The following RAB27A variants were observed in gnomAD, a reference collection of about 807,000 sequenced individuals.
The protein encoded by RAB27A is ras-related protein Rab-27A.
Under a neutral mutation model 20.8 loss-of-function variants are expected in RAB27A, and 17 were observed. The ratio of observed to expected loss-of-function variants is 0.82; its 90% CI spans 0.56 to 1.23. RAB27A has a LOEUF of 1.23. RAB27A is among the 50% of genes most tolerant of loss of function. The pLI is 0.00. For synonymous variants in RAB27A, 85 were observed against 92.8 expected, an observed-to-expected ratio of 0.92 and a Z score of 0.48; for missense variants, 277 against 266.7, an observed-to-expected ratio of 1.04 and a Z score of -0.27.
chr15:55,314,375 GCTCTCTGTCA>G (rs2055034641), intron 1 of RAB27A, among the ~76,000 whole-genome samples: 1 of 152,180 alleles, frequency 6.6e-6, no homozygotes, highest in African/African-American at 2.4e-5. Context: ...GCATAAGGAT[GCTCTCTGTCA>G]CTATTCATAT....
intron 1 of RAB27A, chr15:55,317,073 A>C (rs1217774100): frequency 6.6e-6 from 1 of 152,252 alleles, no homozygotes; most frequent in Admixed American, 6.5e-5. Flanking sequence ...ATAAACCTCA[A>C]GTAGAAAATA....
intron 2 of RAB27A, among the ~76,000 whole-genome samples, chr15:55,239,377 G>A (rs1280074136): frequency 3.3e-5 from 5 of 152,124 alleles, no homozygotes; most frequent in Non-Finnish European, 7.4e-5. Flanking sequence ...CAACAGTTTG[G>A]TGTTTAAAAC....
chr15:55,265,573 G>A (rs1378517519), intron 2 of RAB27A, among the ~76,000 whole-genome samples: 2 of 151,898 alleles, frequency 1.3e-5, no homozygotes, highest in African/African-American at 4.8e-5. Flanking sequence ...AATTCTTGAT[G>A]CCAATCCAAA....
At chr15:55,250,255 C>T (rs532977359) in intron 2 of RAB27A, among the ~76,000 whole-genome samples, 6 of 151,944 alleles carry the variant, frequency 3.9e-5, no homozygotes, top group African/African-American at 1.4e-4. Context: ...TGAGCCACTG[C>T]GCCTGGACTC....
At chr15:55,205,757 A>G (rs1894619646) in intron 6 of RAB27A, 52 bp from the exon 7 acceptor site, 1 of 1,456,840 alleles carries the variant, frequency 6.9e-7, no homozygotes, top group Non-Finnish European at 9.6e-7. Flanking sequence ...AAGGAGAGTG[A>G]CCTTTGCTCT....
chr15:55,234,071 G>A (rs1289652899), intron 3 of RAB27A, among the ~76,000 whole-genome samples: 2 of 152,106 alleles, frequency 1.3e-5, no homozygotes, highest in African/African-American at 2.4e-5. Context: ...AAGGACCTTT[G>A]TCATTAATTT....
intron 5 of RAB27A, among the ~76,000 whole-genome samples, chr15:55,224,993 G>A (rs1486022656): frequency 4.6e-5 from 7 of 152,172 alleles, no homozygotes; most frequent in African/African-American, 2.4e-5. Flanking sequence ...ACAGTTCTTT[G>A]CCCTCATGGG....
At chr15:55,276,647 C>G (rs941379405) in intron 1 of RAB27A, among the ~76,000 whole-genome samples, 1 of 152,082 alleles carries the variant, frequency 6.6e-6, no homozygotes, top group Non-Finnish European at 1.5e-5. Flanking sequence ...TTGCCAGGGA[C>G]TGGGAGGAGG....
Position 55,223,907 on chromosome 15 carries a change from G to A in RAB27A, c.449C>T (p.Ala150Val). ...TACTCACCCATATTTCTCTGCGAGT[G>A]CTATGGCTTCCTCCTCTTTCACTAC... Reference protein sequence around the residue: ...QRVVKEEEAIALAEKYGIPYF... With the variant: ...QRVVKEEEAIVLAEKYGIPYF... Residue 150 changes from alanine (A) to valine (V), a missense_variant, in exon 6 of 7, where the codon GCA becomes GTA. Transcript: ENST00000336787. 6.2e-7 allele frequency: 1 copy of A among 1,613,724 alleles called. No homozygotes were observed. The highest frequency in any genetic ancestry group is 8.5e-7 in the Non-Finnish European group (1 of 1,179,864).
intron 6 of RAB27A, among the ~76,000 whole-genome samples, chr15:55,211,364 TATTA>T (rs1326046454): frequency 2.0e-4 from 31 of 152,226 alleles, no homozygotes; most frequent in African/African-American, 7.5e-4. Context: ...ATTTTAACAA[TATTA>T]ATTATTCCAG....
chr15:55,317,474 C>T, intron 1 of RAB27A: 1 of 298,888 alleles, frequency 3.3e-6, no homozygotes, highest in Non-Finnish European at 6.1e-6. Flanking sequence ...GCCACCAAGC[C>T]TGGCTGATTT....
At chr15:55,220,086 C>A (rs1177433504) in intron 6 of RAB27A, among the ~76,000 whole-genome samples, 1 of 152,120 alleles carries the variant, frequency 6.6e-6, no homozygotes, top group Non-Finnish European at 1.5e-5. Flanking sequence ...AGTCCTCATT[C>A]TCAAATTTAC....
rs1172382812 is a variant in RAB27A at position 55,209,846 on chromosome 15, A to G, written c.468-4141T>C. Among the ~76,000 whole-genome samples, 5 of 100,116 alleles carry G rather than the reference A, an allele frequency of 5.0e-5. 1 individual carries two copies. The highest frequency in any genetic ancestry group is 2.4e-4 in the African/African-American group (5 of 20,760). 65.7% of individuals were successfully genotyped at this position (100,116 alleles called of 152,430 possible). A position where few individuals can be genotyped will look rare whatever the true frequency, so the allele number is the denominator to read the frequency against. ...TATATATACATATATGTGTGTACAC[A>G]TATATGTGTGTATATACATATATAC... On this transcript the variant is annotated intron_variant, in intron 6 of 6. Coordinates refer to ENST00000336787, the MANE Select transcript of RAB27A (RefSeq NM_183235.3).
chr15:55,274,524 T>TCC (rs1408516331), intron 1 of RAB27A, among the ~76,000 whole-genome samples: 1 of 151,882 alleles, frequency 6.6e-6, no homozygotes, highest in Non-Finnish European at 1.5e-5. Context: ...ATGCCTGTAA[T>TCC]CCCAGCACTT....
intron 2 of RAB27A, among the ~76,000 whole-genome samples, chr15:55,303,238 C>T (rs1464385955): frequency 2.1e-5 from 2 of 94,172 alleles, no homozygotes; most frequent in Admixed American, 9.3e-5. Flanking sequence ...CCCGGCCAGC[C>T]GCCCTGTCCG....
At chr15:55,258,829 G>T (rs1041780128) in intron 2 of RAB27A, among the ~76,000 whole-genome samples, 2 of 151,950 alleles carry the variant, frequency 1.3e-5, no homozygotes, top group Non-Finnish European at 2.9e-5. Context: ...TTTTCTATTG[G>T]GTTCTTTTTC....
At chr15:55,216,369 C>T (rs910924870) in intron 6 of RAB27A, among the ~76,000 whole-genome samples, 3 of 152,014 alleles carry the variant, frequency 2.0e-5, no homozygotes, top group Non-Finnish European at 2.9e-5. Flanking sequence ...CCTGTCTCTA[C>T]TAAAAACACA....
intron 2 of RAB27A, among the ~76,000 whole-genome samples, chr15:55,237,685 TA>T: frequency 6.6e-6 from 1 of 152,146 alleles, no homozygotes; most frequent in East Asian, 1.9e-4. Context: ...CAAGTCCAGA[TA>T]ATGTTGACTC....
chr15:55,282,935 C>A (rs1898055328), intron 1 of RAB27A, among the ~76,000 whole-genome samples: 1 of 151,808 alleles, frequency 6.6e-6, no homozygotes, highest in Non-Finnish European at 1.5e-5. Flanking sequence ...AATAAACAAA[C>A]AAACAGCCTG....
Sources: gnomAD v4.1 joint callset for allele counts (sites outside exome capture counted in the v4.1 genomes callset) on GRCh38, gnomAD v4.1.1 for gene constraint, MANE v1.5 for transcripts, NCBI Gene and HGNC (gene_info 2026-07-23, HGNC 2026-07-21) for gene names.